METTL8: variants seen among roughly 807,000 people sequenced by gnomAD.
METTL8 encodes tRNA N(3)-cytidine methyltransferase METTL8, mitochondrial.
Under a neutral mutation model 48.7 loss-of-function variants are expected in METTL8, and 32 were observed. The observed-to-expected ratio is 0.66, with a 90% CI of 0.50 to 0.88. The LOEUF (loss-of-function observed/expected upper bound fraction) is 0.88. METTL8 is among the 40% of genes least tolerant of loss of function. METTL8 has a pLI of 0.00. For missense variants in METTL8, 464 were observed against 474.4 expected (o/e 0.98, Z 0.20); for synonymous variants, 136 against 157.1 (o/e 0.87, Z 1.01).
Position 171,330,705 on chromosome 2 carries a change from T to A in METTL8, c.721-7A>T, listed in dbSNP as rs1051435141. 1 of 1,600,472 alleles carries A rather than the reference T, an allele frequency of 6.2e-7. No homozygotes were observed. The highest frequency in any genetic ancestry group is 8.5e-7 in the Non-Finnish European group (1 of 1,176,018). On this transcript the variant is annotated splice_polypyrimidine_tract_variant and splice_region_variant and intron_variant, in intron 6 of 9. Transcript: ENST00000375258. ...CTCTGTAGGACGAGTGTGACTGTCATGATAAAGGAACAGAAAGCAAAAAGA... is the reference window on the plus strand; with the variant it reads ...CTCTGTAGGACGAGTGTGACTGTCAAGATAAAGGAACAGAAAGCAAAAAGA...
At chr2:171,395,312 T>C (rs559004575) in intron 1 of METTL8, among the ~76,000 whole-genome samples, 1 of 151,974 alleles carries the variant, frequency 6.6e-6, no homozygotes, top group East Asian at 1.9e-4. Context: ...GAAAAACAAA[T>C]AGGACAAATA....
intron 7 of METTL8, among the ~76,000 whole-genome samples, chr2:171,326,730 G>A (rs181964577): frequency 3.1e-4 from 47 of 152,042 alleles, no homozygotes; most frequent in Admixed American, 8.5e-4. Flanking sequence ...TGACATCTTT[G>A]ATATTTCCTG....
At chr2:171,325,772 T>G (rs2105385260) in intron 9 of METTL8, 69 bp downstream of exon 9, 1 of 933,284 alleles carries the variant, frequency 1.1e-6, no homozygotes, top group Non-Finnish European at 1.6e-6. Flanking sequence ...GCTTCTGAGC[T>G]ATAATCAATG....
chr2:171,418,053 C>T (rs1231945059), intron 1 of METTL8, among the ~76,000 whole-genome samples: 1 of 152,128 alleles, frequency 6.6e-6, no homozygotes, highest in East Asian at 1.9e-4. Context: ...ACGCCTTTCT[C>T]CTGCCTTAGC....
intron 1 of METTL8, among the ~76,000 whole-genome samples, chr2:171,393,733 T>A (rs1171884895): frequency 6.6e-6 from 1 of 152,166 alleles, no homozygotes; most frequent in African/African-American, 2.4e-5. Context: ...GCATCACAGA[T>A]CATTGGAGGT....
intron 7 of METTL8, among the ~76,000 whole-genome samples, chr2:171,328,572 G>A (rs112448670): frequency 0.064 from 9,711 of 152,190 alleles, 562 homozygotes; most frequent in African/African-American, 0.15. Context: ...GTACAGTGGC[G>A]TGATCTTGGG....
intron 1 of METTL8, among the ~76,000 whole-genome samples, chr2:171,411,490 C>T (rs1690743307): frequency 6.6e-6 from 1 of 152,044 alleles, no homozygotes; most frequent in Admixed American, 6.6e-5. Flanking sequence ...GCAAATGGAA[C>T]AGAATAGAAA....
chr2:171,343,731 G>C (rs1483175542), intron 3 of METTL8, among the ~76,000 whole-genome samples: 5 of 152,162 alleles, frequency 3.3e-5, no homozygotes, highest in Admixed American at 2.6e-4. Flanking sequence ...GTTTGAATTA[G>C]AGTAGTATCT....
intron 2 of METTL8, among the ~76,000 whole-genome samples, chr2:171,381,837 A>G (rs1687579467): frequency 6.8e-6 from 1 of 146,086 alleles, no homozygotes; most frequent in South Asian, 2.1e-4. Context: ...GCTGGAGTGC[A>G]GTAGCATGAT....
intron 1 of METTL8, among the ~76,000 whole-genome samples, chr2:171,412,131 C>G (rs1690814900): frequency 1.3e-5 from 2 of 152,158 alleles, no homozygotes; most frequent in Admixed American, 1.3e-4. Flanking sequence ...TAACTGAAAG[C>G]CCAAAGATTG....
intron 6 of METTL8, 82 bp downstream of exon 6, chr2:171,331,722 T>C (rs769987625): frequency 6.2e-6 from 7 of 1,136,442 alleles, no homozygotes; most frequent in Non-Finnish European, 9.1e-6. Flanking sequence ...CTGCCTCTAG[T>C]GATCTTAAAA....
chr2:171,429,660 C>G (rs561650072), intron 1 of METTL8, among the ~76,000 whole-genome samples: 1 of 152,076 alleles, frequency 6.6e-6, no homozygotes, highest in African/African-American at 2.4e-5. Flanking sequence ...GGAGTTTATA[C>G]CTAATTTTAT....
At chr2:171,388,534 T>C (rs1688289952) in intron 2 of METTL8, among the ~76,000 whole-genome samples, 1 of 152,238 alleles carries the variant, frequency 6.6e-6, no homozygotes, top group Admixed American at 6.5e-5. Context: ...TCTATCCACC[T>C]AGAATGCCCT....
In METTL8 at chr2:171,324,371, CA is replaced by C; in HGVS notation, c.1034-10del. On this transcript the variant is annotated splice_polypyrimidine_tract_variant and intron_variant, in intron 9 of 9. Transcript: ENST00000375258. ...CATACTGTGGACTTCCCCTGTGAGA[CA>C]AAAATGGCAATAAAAGATATGACAT... 6.5e-7 allele frequency: 1 copy of C among 1,548,914 alleles called. No individual in the cohort carries two copies. The highest frequency in any genetic ancestry group is 2.0e-5 in the Admixed American group (1 of 50,744).
At chr2:171,351,466 GAACTTTC>G (rs1264997243) in intron 3 of METTL8, among the ~76,000 whole-genome samples, 49 of 152,264 alleles carry the variant, frequency 3.2e-4, no homozygotes, top group African/African-American at 1.2e-3. Context: ...GTTTCCATAT[GAACTTTC>G]AAGTAGTTTT....
chr2:171,378,232 A>T (rs1687167641), intron 2 of METTL8, among the ~76,000 whole-genome samples: 1 of 152,248 alleles, frequency 6.6e-6, no homozygotes, highest in Non-Finnish European at 1.5e-5. Context: ...AAATAAAGGG[A>T]TGGAGGAAAA....
At chr2:171,370,669 T>C (rs1686233470) in intron 2 of METTL8, among the ~76,000 whole-genome samples, 1 of 152,058 alleles carries the variant, frequency 6.6e-6, no homozygotes, top group Non-Finnish European at 1.5e-5. Context: ...TGGGCACCTG[T>C]AGTCCCAGCT....
At chr2:171,358,542 CA>C (rs1213724113) in intron 3 of METTL8, among the ~76,000 whole-genome samples, 1 of 151,936 alleles carries the variant, frequency 6.6e-6, no homozygotes. Context: ...ACAAAGGTGT[CA>C]AGTACATATG....
chr2:171,410,155 G>A (rs1477698545), intron 1 of METTL8, among the ~76,000 whole-genome samples: 2 of 152,044 alleles, frequency 1.3e-5, no homozygotes, highest in Non-Finnish European at 2.9e-5. Flanking sequence ...ACCTATGAAC[G>A]GTCTTATTCC....
Sources: allele counts gnomAD v4.1 joint callset (sites outside exome capture counted in the v4.1 genomes callset), GRCh38; gene constraint gnomAD v4.1.1; transcripts MANE v1.5; gene names NCBI Gene and HGNC (gene_info 2026-07-23, HGNC 2026-07-21).